Variants in RNF150 observed in about 807,000 individuals in gnomAD.
The protein encoded by RNF150 is ring finger protein 150.
RNF150 carries 24 observed loss-of-function variants against 39.3 expected under a neutral mutation model. The ratio of observed to expected loss-of-function variants is 0.61; its 90% CI spans 0.44 to 0.86. The LOEUF (loss-of-function observed/expected upper bound fraction) is 0.86, where lower values mean the gene tolerates loss of function less well. RNF150 is among the 40% of genes least tolerant of loss of function. RNF150 has a pLI of 0.00. For synonymous variants in RNF150, 255 were observed against 227.3 expected (o/e 1.12, Z -1.10); for missense variants, 502 against 587.8 (o/e 0.85, Z 1.51).
At chr4:141,036,850 T>C (rs1409056350) in intron 1 of RNF150, among the ~76,000 whole-genome samples, 1 of 152,230 alleles carries the variant, frequency 6.6e-6, no homozygotes, top group Non-Finnish European at 1.5e-5. Context: ...TCTAACAGCA[T>C]AGCACAACTT....
chr4:141,158,872 A>G (rs1727465134), intron 1 of RNF150, among the ~76,000 whole-genome samples: 1 of 152,186 alleles, frequency 6.6e-6, no homozygotes, highest in Non-Finnish European at 1.5e-5. Context: ...TTATTCACAG[A>G]TAATCTGAAA....
chr4:141,194,094 A>G (rs1268152559), intron 1 of RNF150, among the ~76,000 whole-genome samples: 1 of 152,226 alleles, frequency 6.6e-6, no homozygotes, highest in East Asian at 1.9e-4. Flanking sequence ...ACGACAAACT[A>G]TACATTTCCA....
At chr4:141,185,197 T>C (rs1727982686) in intron 1 of RNF150, among the ~76,000 whole-genome samples, 2 of 152,184 alleles carry the variant, frequency 1.3e-5, no homozygotes, top group South Asian at 4.1e-4. Context: ...TGTCCTCTCT[T>C]ATTTCCTTGA....
At chr4:140,919,656 T>C (rs1048964534) in intron 5 of RNF150, among the ~76,000 whole-genome samples, 2 of 150,642 alleles carry the variant, frequency 1.3e-5, no homozygotes, top group African/African-American at 2.4e-5. Flanking sequence ...AAGCTACCAA[T>C]GACTTTCTTC....
chr4:141,045,420 T>C (rs1156794918), intron 1 of RNF150, among the ~76,000 whole-genome samples: 1 of 152,214 alleles, frequency 6.6e-6, no homozygotes, highest in African/African-American at 2.4e-5. Flanking sequence ...ATAAGTAAGG[T>C]CCCTGATTTC....
At chr4:141,092,073 G>A (rs1348839346) in intron 1 of RNF150, among the ~76,000 whole-genome samples, 2 of 152,216 alleles carry the variant, frequency 1.3e-5, no homozygotes, top group Admixed American at 1.3e-4. Context: ...GCCAGGTGCA[G>A]TGGCTCATGC....
chr4:141,089,478 A>G (rs1738495620), intron 1 of RNF150, among the ~76,000 whole-genome samples: 1 of 152,178 alleles, frequency 6.6e-6, no homozygotes, highest in Non-Finnish European at 1.5e-5. Context: ...AATAAAAGTG[A>G]CCGAAAACTT....
chr4:141,209,760 G>T (rs1187651668), intron 1 of RNF150, among the ~76,000 whole-genome samples: 3 of 151,776 alleles, frequency 2.0e-5, no homozygotes, highest in Non-Finnish European at 4.4e-5. Context: ...AAAATGGGGG[G>T]GTATCTATAA....
At chr4:141,069,800 T>C (rs1356413501) in intron 1 of RNF150, among the ~76,000 whole-genome samples, 1 of 152,180 alleles carries the variant, frequency 6.6e-6, no homozygotes, top group African/African-American at 2.4e-5. Flanking sequence ...AGACTGTATG[T>C]GTCGAGGAAT....
chr4:141,208,593 T>G (rs2111227406), intron 1 of RNF150, among the ~76,000 whole-genome samples: 1 of 152,304 alleles, frequency 6.6e-6, no homozygotes, highest in Admixed American at 6.5e-5. Context: ...ATTTTGCTCT[T>G]TTTACAAAGG....
intron 6 of RNF150, among the ~76,000 whole-genome samples, chr4:140,897,640 A>G (rs1390372096): frequency 1.3e-5 from 2 of 152,178 alleles, no homozygotes; most frequent in Admixed American, 1.3e-4. Context: ...CTTAGATATA[A>G]AAGAGTGATA....
rs114405818 is a variant in RNF150 at position 140,938,236 on chromosome 4, A to T, written c.890+9418T>A. On this transcript the variant is annotated intron_variant, in intron 4 of 6. Coordinates refer to ENST00000515673, the MANE Select transcript of RNF150 (RefSeq NM_020724.2). ...GCTAGTGTCTTTTTTCAGTGATTTCAGTAAAACTTGATGGTAACGCTAAGT... is the reference window on the plus strand; with the variant it reads ...GCTAGTGTCTTTTTTCAGTGATTTCTGTAAAACTTGATGGTAACGCTAAGT... 2.0e-3 allele frequency among the ~76,000 whole-genome samples: 308 copies of T among 152,338 alleles called. 1 individual carries two copies. The highest frequency in any genetic ancestry group is 6.8e-3 in the African/African-American group (282 of 41,576).
intron 1 of RNF150, among the ~76,000 whole-genome samples, chr4:140,974,189 T>C (rs564527930): frequency 2.0e-5 from 3 of 152,306 alleles, no homozygotes; most frequent in African/African-American, 7.2e-5. Context: ...ACTCTCTGCT[T>C]TCCCTTCCCT....
At chr4:140,980,560 G>A (rs1451931286) in intron 1 of RNF150, among the ~76,000 whole-genome samples, 1 of 152,100 alleles carries the variant, frequency 6.6e-6, no homozygotes. Flanking sequence ...GTCCCCATGT[G>A]TAGTGGGAGG....
chr4:141,176,741 T>C (rs1443840753), intron 1 of RNF150, among the ~76,000 whole-genome samples: 1 of 152,328 alleles, frequency 6.6e-6, no homozygotes, highest in East Asian at 1.9e-4. Flanking sequence ...CCATTGAACA[T>C]GCTCATTTCT....
At chr4:141,128,622 T>C (rs889074824) in intron 1 of RNF150, among the ~76,000 whole-genome samples, 1 of 152,156 alleles carries the variant, frequency 6.6e-6, no homozygotes, top group Admixed American at 6.6e-5. Context: ...CATTTCTCTA[T>C]AGCTTTTTGC....
intron 2 of RNF150, among the ~76,000 whole-genome samples, chr4:140,961,685 T>C (rs1579006986): frequency 6.6e-6 from 1 of 152,104 alleles, no homozygotes; most frequent in Non-Finnish European, 1.5e-5. Context: ...TAAAGTATAG[T>C]GTCCATTTGA....
intron 1 of RNF150, among the ~76,000 whole-genome samples, chr4:141,125,552 G>T (rs1164684684): frequency 1.3e-5 from 2 of 152,134 alleles, no homozygotes; most frequent in Non-Finnish European, 2.9e-5. Context: ...GACTTTCAGG[G>T]CTATCAAAAT....
chr4:141,129,937 T>C (rs1198962064), intron 1 of RNF150, among the ~76,000 whole-genome samples: 1 of 152,224 alleles, frequency 6.6e-6, no homozygotes, highest in South Asian at 2.1e-4. Context: ...GTGATAGATA[T>C]ATCATCAGCT....
Sources: gnomAD v4.1 joint callset for allele counts (sites outside exome capture counted in the v4.1 genomes callset) on GRCh38, gnomAD v4.1.1 for gene constraint, MANE v1.5 for transcripts, NCBI Gene and HGNC (gene_info 2026-07-23, HGNC 2026-07-21) for gene names.